The following CSTF3 variants were observed in gnomAD, a reference collection of about 807,000 sequenced individuals.
CSTF3 encodes the protein cleavage stimulation factor subunit 3, also known as CF-1 77 kDa subunit.
CSTF3 carries 29 observed loss-of-function variants against 105.8 expected under a neutral mutation model. The observed-to-expected ratio is 0.27, with a 90% confidence interval of 0.20 to 0.37. CSTF3 has a LOEUF of 0.37. CSTF3 is among the 10% of genes least tolerant of loss of function. CSTF3 has a pLI of 1.00. For synonymous variants in CSTF3, 252 were observed against 281.9 expected (o/e 0.89, Z 1.06); for missense variants, 357 against 879.3 (o/e 0.41, Z 7.51).
intron 17 of CSTF3, 52 bp downstream of exon 17, chr11:33,090,480 C>T (rs112231782): frequency 8.5e-7 from 1 of 1,170,516 alleles, no homozygotes; most frequent in African/African-American, 1.6e-5. Flanking sequence ...ATGAACTCTT[C>T]TAAAACACTG....
At chr11:33,123,899 T>C (rs1031764467) in intron 3 of CSTF3, among the ~76,000 whole-genome samples, 12 of 152,160 alleles carry the variant, frequency 7.9e-5, no homozygotes, top group African/African-American at 2.6e-4. Flanking sequence ...TATACACATA[T>C]ACATATGTGT....
chr11:33,144,550 ATC>A (rs777296399), intron 1 of CSTF3, among the ~76,000 whole-genome samples: 6 of 152,220 alleles, frequency 3.9e-5, no homozygotes, highest in Admixed American at 2.0e-4. Flanking sequence ...CTATATAATC[ATC>A]TGTTAGAATA....
At chr11:33,090,898 T>C (rs1279250288) in intron 16 of CSTF3, among the ~76,000 whole-genome samples, 171 bp from the exon 17 acceptor site, 2 of 152,240 alleles carry the variant, frequency 1.3e-5, no homozygotes, top group Non-Finnish European at 1.5e-5. Context: ...TGAATACCTA[T>C]ATACCACTAC....
chr11:33,130,411 T>C lies in CSTF3; in HGVS notation c.225+11256A>G, dbSNP rs1267902305. 5.3e-5 allele frequency among the ~76,000 whole-genome samples: 8 copies of C among 152,168 alleles called. No homozygotes were observed. In the East Asian group the frequency reaches 1.5e-3, roughly 29 times the overall value. ...TCGCTTGAATGCAGGAGGCAGAGGC[T>C]GTGGTGAGCCAAGATTGCGCCACTA... On this transcript the variant is annotated intron_variant, in intron 3 of 20. Transcript: ENST00000323959.
chr11:33,114,182 T>C (rs1306290824), intron 3 of CSTF3, among the ~76,000 whole-genome samples: 2 of 152,238 alleles, frequency 1.3e-5, no homozygotes, highest in Non-Finnish European at 1.5e-5. Context: ...AATGACCCTT[T>C]GACTAACATC....
Position 33,085,754 on chromosome 11 carries a change from T to A in CSTF3, c.1910A>T (p.Asp637Val). The A allele has an allele frequency of 6.2e-7, 1 of 1,613,922 alleles. No individual in the cohort carries two copies. The highest frequency in any genetic ancestry group is 8.5e-7 in the Non-Finnish European group (1 of 1,179,790). ...TCTTCGGAAAATTTCCATCAGTTCA[T>A]CCACTTGTACAAAAGGACCCTATTT... ...ICFQGPFVQV[D>V]ELMEIFRRCK... The change falls in exon 20 of 21, where the codon GAT becomes GTT. Residue 637 changes from aspartate to valine, a missense_variant. Transcript: ENST00000323959.
intron 1 of CSTF3, among the ~76,000 whole-genome samples, chr11:33,150,852 T>C (rs1033088843): frequency 6.7e-6 from 1 of 148,630 alleles, no homozygotes; most frequent in African/African-American, 2.5e-5. Flanking sequence ...CCAGACCCTG[T>C]CTCAAAAAAA....
chr11:33,155,080 G>A (rs1849843803), intron 1 of CSTF3, among the ~76,000 whole-genome samples: 2 of 151,918 alleles, frequency 1.3e-5, no homozygotes, highest in South Asian at 4.1e-4. Flanking sequence ...TCTTGGGCCG[G>A]GCATGGTGGC....
intron 18 of CSTF3, 85 bp from the exon 19 acceptor site, chr11:33,086,074 C>A (rs1855102312): frequency 9.6e-6 from 8 of 837,132 alleles, no homozygotes; most frequent in Non-Finnish European, 1.2e-5. Context: ...ACATAAAGAT[C>A]TTCCATGTCT....
At position 33,127,742 on chromosome 11, in the gene CSTF3, G is replaced by A. The variant is rs141511729; in HGVS notation, c.225+13925C>T. Among the ~76,000 whole-genome samples the A allele has an allele frequency of 2.4e-4, 36 of 152,196 alleles. 1 individual carries two copies. In the East Asian group the frequency reaches 5.4e-3, roughly 23 times the overall value. On this transcript the variant is annotated intron_variant, in intron 3 of 20. Coordinates refer to ENST00000323959, the MANE Select transcript of CSTF3 (RefSeq NM_001326.3). ...TGGAAACTACTGTTCTTGTGCTTTCGCTTTTCTCAATTTTAACCAGTCTTT... is the reference window on the plus strand; with the variant it reads ...TGGAAACTACTGTTCTTGTGCTTTCACTTTTCTCAATTTTAACCAGTCTTT...
At chr11:33,094,573 ATATAC>A in intron 15 of CSTF3, among the ~76,000 whole-genome samples, 1 of 152,272 alleles carries the variant, frequency 6.6e-6, no homozygotes, top group African/African-American at 2.4e-5. Flanking sequence ...ATAAAAATAC[ATATAC>A]TAGTAACTAT....
At chr11:33,102,431 A>G in intron 9 of CSTF3, 92 bp from the exon 10 acceptor site, 1 of 1,145,788 alleles carries the variant, frequency 8.7e-7, no homozygotes, top group Non-Finnish European at 1.3e-6. Context: ...ACTGTTCAAG[A>G]TGCCTACTTT....
chr11:33,094,751 G>A (rs1855201265), intron 15 of CSTF3, among the ~76,000 whole-genome samples: 1 of 151,784 alleles, frequency 6.6e-6, no homozygotes, highest in African/African-American at 2.4e-5. Flanking sequence ...TTAGGTAAAT[G>A]GAATGCTCTA....
chr11:33,113,632 T>G (rs545936266), intron 3 of CSTF3, among the ~76,000 whole-genome samples: 4 of 152,246 alleles, frequency 2.6e-5, no homozygotes, highest in African/African-American at 9.6e-5. Flanking sequence ...TACAAAGATA[T>G]GAAAAGTGTC....
At chr11:33,098,884 T>C in intron 12 of CSTF3, 120 bp from the exon 13 acceptor site, 1 of 1,309,012 alleles carries the variant, frequency 7.6e-7, no homozygotes, top group Non-Finnish European at 1.0e-6. Context: ...TGAGCATAAA[T>C]ATAGTATAAG....
chr11:33,141,508 A>T, intron 3 of CSTF3, 159 bp downstream of exon 3: 1 of 1,323,138 alleles, frequency 7.6e-7, no homozygotes, highest in Non-Finnish European at 9.7e-7. Context: ...CAAATTTCAA[A>T]AATTCATTTT....
At position 33,106,126 on chromosome 11, in the gene CSTF3, T is replaced by C; in HGVS notation, c.357-62A>G. ...TTTGTTATTAAAATTTATCTACAATTAGGCCAGACATGGTGGCTCATGCCT... is the reference window on the plus strand; with the variant it reads ...TTTGTTATTAAAATTTATCTACAATCAGGCCAGACATGGTGGCTCATGCCT... On this transcript the variant is annotated intron_variant, in intron 5 of 20. Transcript: ENST00000323959. 2.3e-6 allele frequency: 3 copies of C among 1,296,668 alleles called. No individual in the cohort carries two copies. The South Asian group carries it at 3.6e-5, about 16-fold the overall frequency. 80.3% of individuals were successfully genotyped at this position (1,296,668 alleles called of 1,614,324 possible).
chr11:33,104,902 A>C (rs899245384), intron 8 of CSTF3, among the ~76,000 whole-genome samples: 20 of 152,232 alleles, frequency 1.3e-4, no homozygotes, highest in Non-Finnish European at 2.1e-4. Flanking sequence ...ATCACAATAT[A>C]CATACGAAAA....
intron 1 of CSTF3, among the ~76,000 whole-genome samples, chr11:33,158,017 T>G (rs564483798): frequency 6.6e-6 from 1 of 152,352 alleles, no homozygotes; most frequent in South Asian, 2.1e-4. Flanking sequence ...TAAGGTGTTA[T>G]TTAATGGTTA....
Sources: allele counts gnomAD v4.1 joint callset (sites outside exome capture counted in the v4.1 genomes callset), GRCh38; gene constraint gnomAD v4.1.1; transcripts MANE v1.5; gene names NCBI Gene and HGNC (gene_info 2026-07-23, HGNC 2026-07-21).